SAMTOR: variants seen among roughly 807,000 people sequenced by gnomAD.
SAMTOR encodes UPF0532 protein C7orf60.
chr7:112,899,490 C>T, the SAMTOR span, among the ~76,000 whole-genome samples: 5 of 152,114 alleles, frequency 3.3e-5, no homozygotes, highest in East Asian at 9.7e-4. Flanking sequence ...AGAGGAAGTA[C>T]AGAGACTGGG....
At chr7:112,906,573 C>CTT in the SAMTOR span, among the ~76,000 whole-genome samples, 22,284 of 144,424 alleles carry the variant, frequency 0.15, 2,442 homozygotes, top group Non-Finnish European at 0.23. Context: ...AAAGACATAT[C>CTT]TTTTTTTTTT....
At chr7:112,857,337 C>T in the SAMTOR span, among the ~76,000 whole-genome samples, 10 of 147,622 alleles carry the variant, frequency 6.8e-5, no homozygotes, top group East Asian at 7.8e-4. Flanking sequence ...ATGATCCACC[C>T]GCCTCGGCCT....
chr7:112,939,739 C>T, the SAMTOR span: 4 of 1,601,088 alleles, frequency 2.5e-6, no homozygotes, highest in African/African-American at 2.7e-5. Flanking sequence ...GGCCGCCGGC[C>T]CCTGGCTCCA....
chr7:112,860,572 C>CA, the SAMTOR span, among the ~76,000 whole-genome samples: 9 of 151,172 alleles, frequency 6.0e-5, no homozygotes, highest in East Asian at 1.9e-4. Context: ...AGATTCTTTG[C>CA]AAAAAAAACT....
chr7:112,834,084 GTTGTTT>G, the SAMTOR span, among the ~76,000 whole-genome samples: 1 of 152,138 alleles, frequency 6.6e-6, no homozygotes, highest in Non-Finnish European at 1.5e-5. Flanking sequence ...TTCATTTGCT[GTTGTTT>G]TTGAGTTGTT....
the SAMTOR span, among the ~76,000 whole-genome samples, chr7:112,885,031 C>T: frequency 2.0e-5 from 3 of 152,352 alleles, no homozygotes; most frequent in Non-Finnish European, 4.4e-5. Flanking sequence ...AGGCTCAACA[C>T]CATGTGGAAG....
At chr7:112,906,636 T>G in the SAMTOR span, among the ~76,000 whole-genome samples, 1 of 151,590 alleles carries the variant, frequency 6.6e-6, no homozygotes, top group African/African-American at 2.4e-5. Flanking sequence ...TGGTGCGATC[T>G]TGGCTCACTG....
At chr7:112,884,175 C>T in the SAMTOR span, among the ~76,000 whole-genome samples, 22 of 152,208 alleles carry the variant, frequency 1.4e-4, 1 homozygote, top group East Asian at 2.7e-3. Flanking sequence ...TACCTTCCAC[C>T]GGGTCCTTCC....
At chr7:112,902,432 AAAAAAACAAAAAAAAAC>A in the SAMTOR span, among the ~76,000 whole-genome samples, 185 of 110,970 alleles carry the variant, frequency 1.7e-3, 43 homozygotes, top group East Asian at 0.033. Context: ...AAAAAAACAA[AAAAAAACAAAAAAAAAC>A]AAAAAAAAAA....
At chr7:112,921,415 T>C in the SAMTOR span, among the ~76,000 whole-genome samples, 1,820 of 151,350 alleles carry the variant, frequency 0.012, 15 homozygotes, top group Non-Finnish European at 0.019. Flanking sequence ...TGAAACTGGA[T>C]CCCTTCCTTA....
chr7:112,908,566 C>G, the SAMTOR span, among the ~76,000 whole-genome samples: 1 of 152,054 alleles, frequency 6.6e-6, no homozygotes, highest in Non-Finnish European at 1.5e-5. Flanking sequence ...GACTCCTGAC[C>G]AATACCAAAT....
At chr7:112,935,325 A>T in the SAMTOR span, 1 of 352,568 alleles carries the variant, frequency 2.8e-6, no homozygotes, top group Non-Finnish European at 5.6e-6. Context: ...TTTTAAAACA[A>T]CTTCAAAACT....
At chr7:112,923,166 C>G in the SAMTOR span, among the ~76,000 whole-genome samples, 2 of 152,202 alleles carry the variant, frequency 1.3e-5, no homozygotes, top group African/African-American at 4.8e-5. Context: ...TCCTGTTGAT[C>G]TATGACCTTA....
At chr7:112,939,100 G>C in the SAMTOR span, 1 of 158,200 alleles carries the variant, frequency 6.3e-6, no homozygotes, top group African/African-American at 2.4e-5. Context: ...GCTCGGCATG[G>C]TTGTAGGAAT....
the SAMTOR span, among the ~76,000 whole-genome samples, chr7:112,825,740 T>C: frequency 1.3e-5 from 2 of 152,172 alleles, no homozygotes; most frequent in Admixed American, 1.3e-4. Flanking sequence ...AGAGTAAACA[T>C]CCTTATCTTG....
chr7:112,931,305 C>CA, the SAMTOR span, among the ~76,000 whole-genome samples: 1,047 of 139,746 alleles, frequency 7.5e-3, 6 homozygotes, highest in South Asian at 0.024. Context: ...ATTTAATTAA[C>CA]AAAAAAAAAA....
chr7:112,833,724 A>T, the SAMTOR span, among the ~76,000 whole-genome samples: 1 of 152,338 alleles, frequency 6.6e-6, no homozygotes, highest in South Asian at 2.1e-4. Context: ...ATTATGGAAC[A>T]ATCACCAATA....
chr7:112,899,624 A>T, the SAMTOR span, among the ~76,000 whole-genome samples: 1 of 152,132 alleles, frequency 6.6e-6, no homozygotes, highest in African/African-American at 2.4e-5. Flanking sequence ...TTCAAGGCAT[A>T]AAATCAAACT....
the SAMTOR span, among the ~76,000 whole-genome samples, chr7:112,919,698 C>T: frequency 2.0e-5 from 3 of 151,316 alleles, no homozygotes; most frequent in Admixed American, 1.3e-4. Flanking sequence ...TGATAGACCG[C>T]TAGCAAGACT....
Sources: allele counts gnomAD v4.1 joint callset (sites outside exome capture counted in the v4.1 genomes callset), GRCh38; gene constraint gnomAD v4.1.1; transcripts MANE v1.5; gene names NCBI Gene and HGNC (gene_info 2026-07-23, HGNC 2026-07-21).